The following BORCS8 variants were observed in gnomAD, a reference collection of about 807,000 sequenced individuals.
BORCS8 encodes the protein BLOC-1 related complex subunit 8.
Under a neutral mutation model 18.7 loss-of-function variants are expected in BORCS8, and 13 were observed. That is an observed-to-expected ratio of 0.70 (90% CI 0.45 to 1.11). BORCS8 has a LOEUF of 1.11. Ranked by LOEUF, BORCS8 falls within the 50% of genes least tolerant of loss-of-function variation. The pLI, the probability that BORCS8 is intolerant of heterozygous loss-of-function variation, is 0.00. For synonymous variants in BORCS8, 68 were observed against 64.8 expected (o/e 1.05, Z -0.24); for missense variants, 165 against 165.7 (o/e 1.00, Z 0.02).
chr19:19,184,178 G>C (rs2060382129), intron 3 of BORCS8, among the ~76,000 whole-genome samples: 1 of 151,868 alleles, frequency 6.6e-6, no homozygotes, highest in African/African-American at 2.4e-5. Context: ...ACTGCACCCA[G>C]TTTCATTTTA....
intron 3 of BORCS8, among the ~76,000 whole-genome samples, chr19:19,183,315 CAGG>C (rs943051853): frequency 1.4e-4 from 21 of 151,046 alleles, no homozygotes; most frequent in Non-Finnish European, 2.4e-4. Context: ...GAGGCTGAGG[CAGG>C]AGAATGGCAT....
intron 1 of BORCS8, 114 bp from the exon 2 acceptor site, chr19:19,187,119 C>T (rs963368811): frequency 1.4e-6 from 1 of 728,016 alleles, no homozygotes. Flanking sequence ...TGTCCCTCCG[C>T]AGCTAGGTCA....
In BORCS8 at chr19:19,192,143, A is replaced by G; in HGVS notation, c.-26T>C. On this transcript the variant is annotated 5_prime_UTR_variant, in exon 1 of 6. Transcript: ENST00000462790. ...AGCGACCGCGGCCGAGCGAACCGGG[A>G]AACGGCACCGGAAGCCCGGAGGTTG... The G allele has an allele frequency of 6.4e-7, 1 of 1,551,020 alleles. No homozygotes were observed. The highest frequency in any genetic ancestry group is 8.7e-7 in the Non-Finnish European group (1 of 1,146,868).
In BORCS8 at chr19:19,189,129, G is replaced by A. The variant is rs568710968; in HGVS notation, c.38-2124C>T. On this transcript the variant is annotated intron_variant, in intron 1 of 5. Transcript: ENST00000462790. The stretch of plus-strand genomic sequence containing the variant: ...GGATTACAGGAGTGAGCCACCGCCC[G>A]GCCCTGATAAATTAATTGCACGCAA... Among the ~76,000 whole-genome samples the A allele has an allele frequency of 1.5e-4, 23 of 152,084 alleles. No homozygotes were observed. The East Asian group carries it at 3.5e-3, about 23-fold the overall frequency.
intron 5 of BORCS8, chr19:19,177,703 GAAAA>G (rs1568562091): frequency 0.028 from 1,728 of 62,286 alleles, 65 homozygotes; most frequent in Non-Finnish European, 0.037. Context: ...GAAGAGAAAA[GAAAA>G]GAAAAGAAAA....
rs1316962736 is a variant in BORCS8 at position 19,182,056 on chromosome 19, C to T, written c.326+517G>A. 4.7e-5 allele frequency: 46 copies of T among 985,380 alleles called. No individual in the cohort carries two copies. The highest frequency in any genetic ancestry group is 5.1e-5 in the Non-Finnish European group (42 of 830,014). The allele number at this position is 985,380 out of a possible 1,614,324, so 61.0% of individuals were successfully genotyped here. ...TCCTGGGACAGGGAGAGGCCCCTGCCATCTCCCTGGCCCCATCTCCCCCAG... is the reference window on the plus strand; with the variant it reads ...TCCTGGGACAGGGAGAGGCCCCTGCTATCTCCCTGGCCCCATCTCCCCCAG... On this transcript the variant is annotated intron_variant, in intron 4 of 5. Transcript: ENST00000462790. The surrounding 1 kb of genome is among the most constrained non-coding windows in gnomAD (Gnocchi z 4.1).
At chr19:19,181,875 G>A (rs751993089) in intron 4 of BORCS8, 692 of 985,334 alleles carry the variant, frequency 7.0e-4, no homozygotes, top group Admixed American at 1.9e-3. Flanking sequence ...TGGCACATGA[G>A]TGTGTGTTCA....
chr19:19,183,391 C>T (rs1239111415), intron 3 of BORCS8, among the ~76,000 whole-genome samples: 1 of 145,550 alleles, frequency 6.9e-6, no homozygotes, highest in Admixed American at 6.9e-5. Flanking sequence ...GCCTGGGCGA[C>T]AGAGCGAGAC....
intron 1 of BORCS8, among the ~76,000 whole-genome samples, chr19:19,190,650 T>C (rs2146435871): frequency 6.6e-6 from 1 of 152,254 alleles, no homozygotes; most frequent in South Asian, 2.1e-4. Context: ...TAGCCAGGCA[T>C]GGTGGTGCAT....
At chr19:19,180,338 C>T (rs1325349274) in intron 5 of BORCS8, 5 of 321,482 alleles carry the variant, frequency 1.6e-5, no homozygotes, top group Admixed American at 4.7e-5. Flanking sequence ...AGACTGTGCA[C>T]GGGTAAAGCA....
At chr19:19,184,374 C>T (rs1340987425) in intron 3 of BORCS8, among the ~76,000 whole-genome samples, 1 of 141,170 alleles carries the variant, frequency 7.1e-6, no homozygotes, top group Admixed American at 7.6e-5. Context: ...GGCGTGATCT[C>T]GGCTCACTGC....
Position 19,182,268 on chromosome 19 carries a change from G to T in BORCS8, c.326+305C>A. Reference sequence around the variant, plus strand: ...CCGCAGTGTTCTTCACAGCGCATCTGACATGCTCTTGTCTGCCATGTTTAC... The same window carrying T: ...CCGCAGTGTTCTTCACAGCGCATCTTACATGCTCTTGTCTGCCATGTTTAC... On this transcript the variant is annotated intron_variant, in intron 4 of 5. Coordinates refer to ENST00000462790, the MANE Select transcript of BORCS8 (RefSeq NM_001145784.2). The surrounding 1 kb of genome is among the most constrained non-coding windows in gnomAD (Gnocchi z 4.1). 1 of 546,228 alleles carries T rather than the reference G, an allele frequency of 1.8e-6. No homozygotes were observed. The highest frequency in any genetic ancestry group is 2.6e-6 in the Non-Finnish European group (1 of 382,158). 33.8% of individuals were successfully genotyped at this position (546,228 alleles called of 1,614,324 possible). A position where few individuals can be genotyped will look rare whatever the true frequency, so the allele number is the denominator to read the frequency against.
chr19:19,178,474 GGT>G (rs1185372092), intron 5 of BORCS8: 2 of 152,516 alleles, frequency 1.3e-5, no homozygotes, highest in African/African-American at 2.4e-5. Flanking sequence ...CAGAGGTCCG[GGT>G]GGGAATCCTG....
At chr19:19,191,023 T>C (rs1251848866) in intron 1 of BORCS8, among the ~76,000 whole-genome samples, 4 of 152,152 alleles carry the variant, frequency 2.6e-5, no homozygotes, top group Non-Finnish European at 4.4e-5. Flanking sequence ...GCCTGTATTA[T>C]GTATTCTAGA....
chr19:19,183,355 G>A (rs2060369398), intron 3 of BORCS8, among the ~76,000 whole-genome samples: 3 of 151,388 alleles, frequency 2.0e-5, no homozygotes, highest in Non-Finnish European at 4.4e-5. Context: ...GCTTGCAGTG[G>A]GCTGAGATCG....
intron 5 of BORCS8, chr19:19,177,874 CCTTT>C (rs748147792): frequency 6.6e-6 from 1 of 152,668 alleles, no homozygotes; most frequent in Non-Finnish European, 1.5e-5. Flanking sequence ...CTGACTGTGC[CCTTT>C]TTTTTTTTGG....
At chr19:19,187,983 C>T (rs377622125) in intron 1 of BORCS8, among the ~76,000 whole-genome samples, 1 of 151,952 alleles carries the variant, frequency 6.6e-6, no homozygotes, top group African/African-American at 2.4e-5. Flanking sequence ...GCTAGAACTA[C>T]AGGTGCAAAC....
At chr19:19,187,779 C>T (rs553165872) in intron 1 of BORCS8, among the ~76,000 whole-genome samples, 2 of 151,904 alleles carry the variant, frequency 1.3e-5, no homozygotes, top group South Asian at 2.1e-4. Context: ...CCTCGTGATC[C>T]GCTCACCATG....
Position 19,180,717 on chromosome 19 carries a change from C to T in BORCS8, c.*11G>A. On this transcript the variant is annotated 3_prime_UTR_variant, in exon 5 of 6. Coordinates refer to ENST00000462790, the MANE Select transcript of BORCS8 (RefSeq NM_001145784.2). Reference sequence around the variant, plus strand: ...TGGCGGAGGCTGGGGGGCCCCGAGTCTCTTCCAGGATCAGGCTGAGGAGGG... The same window carrying T: ...TGGCGGAGGCTGGGGGGCCCCGAGTTTCTTCCAGGATCAGGCTGAGGAGGG... 6.4e-7 allele frequency: 1 copy of T among 1,550,494 alleles called. No individual in the cohort carries two copies. The highest frequency in any genetic ancestry group is 8.7e-7 in the Non-Finnish European group (1 of 1,146,816).
Sources: gnomAD v4.1 joint callset for allele counts (sites outside exome capture counted in the v4.1 genomes callset) on GRCh38, gnomAD v4.1.1 for gene constraint, Gnocchi (gnomAD v3.1) non-coding constraint, MANE v1.5 for transcripts, NCBI Gene and HGNC (gene_info 2026-07-23, HGNC 2026-07-21) for gene names.